MSRA: variants seen among roughly 807,000 people sequenced by gnomAD.
MSRA encodes methionine sulfoxide reductase A, also known as mitochondrial peptide methionine sulfoxide reductase.
A neutral mutation model predicts 31.3 loss-of-function variants in MSRA; 54 were observed. The ratio of observed to expected loss-of-function variants is 1.73; its 90% CI spans 1.39 to 2.17. MSRA has a LOEUF of 2.17. MSRA is among the 30% of genes most tolerant of loss of function. The pLI is 0.00. For synonymous variants in MSRA, 169 were observed against 116.5 expected (o/e 1.45, Z -2.90); for missense variants, 507 against 300.9 (o/e 1.69, Z -5.07).
chr8:10,199,138 T>G (rs566257382), intron 1 of MSRA, among the ~76,000 whole-genome samples: 1 of 152,300 alleles, frequency 6.6e-6, no homozygotes, highest in South Asian at 2.1e-4. Flanking sequence ...GGATGCCTGC[T>G]TTGGGAGCCT....
chr8:10,293,722 T>C (rs1219956542), intron 3 of MSRA, among the ~76,000 whole-genome samples: 10 of 152,002 alleles, frequency 6.6e-5, no homozygotes, highest in Non-Finnish European at 1.2e-4. Flanking sequence ...CCCTCCTGCT[T>C]CCTCCCCTTC....
At chr8:10,377,090 A>G (rs779290123) in intron 5 of MSRA, among the ~76,000 whole-genome samples, 1 of 152,272 alleles carries the variant, frequency 6.6e-6, no homozygotes, top group Non-Finnish European at 1.5e-5. Context: ...AACTTCTAGC[A>G]GTAATTCACG....
rs567030092 is a variant in MSRA, at chr8:10,264,061, G to C, written c.331+18838G>C. Among the ~76,000 whole-genome samples the C allele has an allele frequency of 5.9e-5, 9 of 152,180 alleles. No individual in the cohort carries two copies. The East Asian group carries it at 1.5e-3, about 26-fold the overall frequency. On this transcript the variant is annotated intron_variant, in intron 3 of 5. Coordinates refer to ENST00000317173, the MANE Select transcript of MSRA (RefSeq NM_012331.5). ...TGAAAAGTATATTTTACCTTAATAA[G>C]CTAATGATTTATTTCAACAGAGGAA...
intron 1 of MSRA, among the ~76,000 whole-genome samples, chr8:10,074,060 T>TTTTTTTTTTTTTTTTTTTTTTTTTTTA (rs1797872078): frequency 1.8e-4 from 1 of 5,618 alleles, no homozygotes; most frequent in African/African-American, 5.0e-4. Flanking sequence ...GGGAGGTGCT[T>TTTTTTTTTTTTTTTTTTTTTTTTTTTA]TTTTTTTTTT....
At chr8:10,180,041 C>A (rs954037703) in intron 1 of MSRA, among the ~76,000 whole-genome samples, 1 of 152,176 alleles carries the variant, frequency 6.6e-6, no homozygotes, top group Non-Finnish European at 1.5e-5. Flanking sequence ...CTGGCATTAA[C>A]GACCTGGAAT....
intron 2 of MSRA, among the ~76,000 whole-genome samples, chr8:10,219,197 G>C (rs947367979): frequency 2.6e-5 from 4 of 152,208 alleles, no homozygotes; most frequent in African/African-American, 9.7e-5. Flanking sequence ...TGCCCATAGC[G>C]AAGATTAACA....
intron 2 of MSRA, among the ~76,000 whole-genome samples, chr8:10,237,678 C>T (rs1013360980): frequency 6.6e-6 from 1 of 152,224 alleles, no homozygotes; most frequent in Non-Finnish European, 1.5e-5. Flanking sequence ...TACACGTCTG[C>T]TCCATCCACA....
intron 3 of MSRA, among the ~76,000 whole-genome samples, chr8:10,266,034 A>G (rs1798731068): frequency 6.6e-6 from 1 of 152,154 alleles, no homozygotes; most frequent in Admixed American, 6.5e-5. Context: ...GGGCTGTTAC[A>G]AATAATGCTG....
chr8:10,303,568 G>T (rs1047654276), intron 4 of MSRA, among the ~76,000 whole-genome samples: 34 of 152,200 alleles, frequency 2.2e-4, no homozygotes, highest in Non-Finnish European at 5.9e-5. Flanking sequence ...GCGTGATCCA[G>T]TCTCCCCAGC....
At chr8:10,269,662 G>GT (rs775231549) in intron 3 of MSRA, among the ~76,000 whole-genome samples, 34 of 151,646 alleles carry the variant, frequency 2.2e-4, no homozygotes, top group East Asian at 7.8e-4. Flanking sequence ...TTGTTTTTTT[G>GT]TTTTTTGAGA....
intron 1 of MSRA, chr8:10,095,943 T>G (rs1799130735): frequency 1.5e-6 from 2 of 1,353,914 alleles, no homozygotes; most frequent in Non-Finnish European, 1.9e-6. Flanking sequence ...AAATTTCTAA[T>G]TAGAGGGAAT....
chr8:10,174,237 G>A (rs1322052040), intron 1 of MSRA, among the ~76,000 whole-genome samples: 1 of 152,120 alleles, frequency 6.6e-6, no homozygotes, highest in Non-Finnish European at 1.5e-5. Flanking sequence ...AGGGGAGCCT[G>A]CTTCCAACTT....
intron 3 of MSRA, among the ~76,000 whole-genome samples, chr8:10,298,095 A>G (rs1281700165): frequency 1.3e-5 from 2 of 152,224 alleles, no homozygotes; most frequent in African/African-American, 2.4e-5. Context: ...GAAAAAACTC[A>G]TAGGGAGACC....
intron 5 of MSRA, among the ~76,000 whole-genome samples, chr8:10,384,003 G>C (rs532423751): frequency 6.6e-6 from 1 of 152,270 alleles, no homozygotes; most frequent in South Asian, 2.1e-4. Context: ...GATGCCTGCA[G>C]AGCTGAGAGT....
chr8:10,360,389 G>A (rs950576339), intron 5 of MSRA, among the ~76,000 whole-genome samples: 5 of 152,160 alleles, frequency 3.3e-5, no homozygotes, highest in African/African-American at 4.8e-5. Flanking sequence ...TTGTAATTTG[G>A]AGTTCTTGGG....
intron 2 of MSRA, among the ~76,000 whole-genome samples, chr8:10,224,383 G>C (rs910148446): frequency 6.6e-6 from 1 of 152,064 alleles, no homozygotes; most frequent in Non-Finnish European, 1.5e-5. Context: ...GAAGTCTCTC[G>C]CTACAGCCCA....
At position 10,372,909 on chromosome 8, in the gene MSRA, G is replaced by A. The variant is rs369859668; in HGVS notation, c.543+52920G>A. 7.9e-5 allele frequency among the ~76,000 whole-genome samples: 12 copies of A among 152,324 alleles called. No individual in the cohort carries two copies. In the South Asian group the frequency reaches 2.3e-3, roughly 29 times the overall value. The stretch of plus-strand genomic sequence containing the variant: ...TATTACTAACATTATTATTATTTGA[G>A]GCGGAATCTTGCTCTGTCACCCAGG... On this transcript the variant is annotated intron_variant, in intron 5 of 5. Coordinates refer to ENST00000317173, the MANE Select transcript of MSRA (RefSeq NM_012331.5).
chr8:10,339,709 T>A (rs543760461), intron 5 of MSRA, among the ~76,000 whole-genome samples: 3 of 150,958 alleles, frequency 2.0e-5, no homozygotes, highest in Admixed American at 6.6e-5. Context: ...GCCCGGCTAA[T>A]TTTTTGTATT....
At chr8:10,178,407 C>G (rs187017502) in intron 1 of MSRA, among the ~76,000 whole-genome samples, 26 of 152,050 alleles carry the variant, frequency 1.7e-4, no homozygotes, top group African/African-American at 5.5e-4. Flanking sequence ...CTGGGCAAGA[C>G]AGCGAGACCC....
Sources: gnomAD v4.1 joint callset for allele counts (sites outside exome capture counted in the v4.1 genomes callset) on GRCh38, gnomAD v4.1.1 for gene constraint, MANE v1.5 for transcripts, NCBI Gene and HGNC (gene_info 2026-07-23, HGNC 2026-07-21) for gene names.